Variants in TBL1XR1 observed in about 807,000 individuals in gnomAD.
TBL1XR1 encodes TBL1X/Y related 1, also known as F-box-like/WD repeat-containing protein TBL1XR1.
TBL1XR1 carries 5 observed loss-of-function variants against 66.9 expected under a neutral mutation model. The ratio of observed to expected loss-of-function variants is 0.07; its 90% CI spans 0.04 to 0.16. TBL1XR1 has a LOEUF of 0.16. TBL1XR1 is among the 10% of genes least tolerant of loss of function. The pLI is 1.00. For synonymous variants in TBL1XR1, 210 were observed against 206.0 expected, an observed-to-expected ratio of 1.02 and a Z score of -0.17; for missense variants, 238 against 623.2, an observed-to-expected ratio of 0.38 and a Z score of 6.58.
intron 2 of TBL1XR1, among the ~76,000 whole-genome samples, chr3:177,082,766 A>G (rs1384496984): frequency 7.4e-6 from 1 of 135,632 alleles, no homozygotes; most frequent in African/African-American, 2.7e-5. Flanking sequence ...ATATATATAT[A>G]TGAATATGAG....
At chr3:177,179,584 TA>T (rs1734565596) in intron 1 of TBL1XR1, among the ~76,000 whole-genome samples, 1 of 152,170 alleles carries the variant, frequency 6.6e-6, no homozygotes, top group South Asian at 2.1e-4. Flanking sequence ...GGAGTGAAGC[TA>T]AAGGTTGCAG....
At chr3:177,026,044 G>T in intron 15 of TBL1XR1, 1 of 313,082 alleles carries the variant, frequency 3.2e-6, no homozygotes, top group Non-Finnish European at 5.8e-6. Context: ...AAATTCTTCT[G>T]TGAAGAGGAG....
At chr3:177,132,828 G>A (rs759488216) in intron 1 of TBL1XR1, among the ~76,000 whole-genome samples, 1 of 152,170 alleles carries the variant, frequency 6.6e-6, no homozygotes, top group Non-Finnish European at 1.5e-5. Context: ...GGCAGGGGCA[G>A]ATCACAGAGA....
intron 1 of TBL1XR1, among the ~76,000 whole-genome samples, chr3:177,134,975 G>GTGTGTGTGTGTGTC (rs1444156762): frequency 2.7e-5 from 4 of 150,302 alleles, no homozygotes; most frequent in Admixed American, 2.7e-4. Context: ...GTCTGTGTGT[G>GTGTGTGTGTGTGTC]TGTCTGTGTG....
chr3:177,149,269 T>C (rs1730610516), intron 1 of TBL1XR1, among the ~76,000 whole-genome samples: 1 of 152,130 alleles, frequency 6.6e-6, no homozygotes, highest in South Asian at 2.1e-4. Flanking sequence ...TCCCTGGCTT[T>C]CTCAAATCTA....
intron 1 of TBL1XR1, among the ~76,000 whole-genome samples, chr3:177,115,463 C>T (rs1726194844): frequency 6.6e-6 from 1 of 152,306 alleles, no homozygotes; most frequent in Admixed American, 6.5e-5. Flanking sequence ...GTGCTGCTTA[C>T]TGCTATTCAC....
At chr3:177,036,894 G>A (rs1034138678) in intron 12 of TBL1XR1, among the ~76,000 whole-genome samples, 1 of 152,232 alleles carries the variant, frequency 6.6e-6, no homozygotes, top group African/African-American at 2.4e-5. Flanking sequence ...GTTTTCAGTA[G>A]AGGGTTAGCT....
At chr3:177,097,066 G>GA (rs1229222979) in intron 2 of TBL1XR1, among the ~76,000 whole-genome samples, 1 of 151,932 alleles carries the variant, frequency 6.6e-6, no homozygotes, top group Non-Finnish European at 1.5e-5. Context: ...TCAACATACT[G>GA]AAAAAAATCC....
intron 1 of TBL1XR1, among the ~76,000 whole-genome samples, chr3:177,176,124 A>G (rs1734119350): frequency 6.6e-6 from 1 of 152,104 alleles, no homozygotes; most frequent in African/African-American, 2.4e-5. Flanking sequence ...TATCTGGGGG[A>G]AAATTTAAAA....
At chr3:177,076,148 G>A (rs1720676940) in intron 2 of TBL1XR1, among the ~76,000 whole-genome samples, 2 of 152,280 alleles carry the variant, frequency 1.3e-5, no homozygotes, top group South Asian at 4.1e-4. Context: ...GAGCCTGGGG[G>A]TTCCCTTCAA....
rs1712901919 is a variant in TBL1XR1, at chr3:177,024,994, T to G, written c.*504A>C. ...GAAACTGATTCACTCCCTTACTTCA[T>G]GCATCCATAATCTAAACCAAAAACG... On this transcript the variant is annotated 3_prime_UTR_variant, in exon 16 of 16. Coordinates refer to ENST00000457928, the MANE Select transcript of TBL1XR1 (RefSeq NM_024665.7). 6.5e-6 allele frequency: 1 copy of G among 153,876 alleles called. No individual in the cohort carries two copies. The highest frequency in any genetic ancestry group is 1.5e-5 in the Non-Finnish European group (1 of 68,936). 9.5% of individuals were successfully genotyped at this position (153,876 alleles called of 1,614,324 possible). A position where few individuals can be genotyped will look rare whatever the true frequency, so the allele number is the denominator to read the frequency against.
At position 177,152,247 on chromosome 3, in the gene TBL1XR1, A is replaced by G. The variant is rs149332898; in HGVS notation, c.-122+44874T>C. Reference sequence around the variant, plus strand: ...TAAGTTGCTACATTCACTTTAGATTATGCTTTTTACTTTTCACTCCCAGAT... The same window carrying G: ...TAAGTTGCTACATTCACTTTAGATTGTGCTTTTTACTTTTCACTCCCAGAT... On this transcript the variant is annotated intron_variant, in intron 1 of 15. Coordinates refer to ENST00000457928, the MANE Select transcript of TBL1XR1 (RefSeq NM_024665.7). Among the ~76,000 whole-genome samples the G allele has an allele frequency of 6.9e-3, 1,052 of 152,164 alleles. 5 individuals carry two copies. Among genetic ancestry groups the G allele is most frequent in the Admixed American group, 0.013 (193 of 15,278 alleles).
At chr3:177,112,107 A>ATTTTTTTTTTTT (rs71170852) in intron 1 of TBL1XR1, among the ~76,000 whole-genome samples, 8 of 37,652 alleles carry the variant, frequency 2.1e-4, no homozygotes, top group Admixed American at 4.0e-4. Context: ...ATATATATAT[A>ATTTTTTTTTTTT]TTTTTTTTTT....
chr3:177,114,256 T>C lies in TBL1XR1; in HGVS notation c.-121-15715A>G, dbSNP rs145080027. 1.1e-3 allele frequency among the ~76,000 whole-genome samples: 161 copies of C among 151,320 alleles called. 3 individuals carry two copies. The East Asian group carries it at 0.03, about 28-fold the overall frequency. On this transcript the variant is annotated intron_variant, in intron 1 of 15. Coordinates refer to ENST00000457928, the MANE Select transcript of TBL1XR1 (RefSeq NM_024665.7). ...ACATCATATATATATACATCTCATA[T>C]ATATAATCATATATATATACACACA...
intron 1 of TBL1XR1, among the ~76,000 whole-genome samples, chr3:177,153,962 A>G (rs552665924): frequency 6.6e-6 from 1 of 151,938 alleles, no homozygotes; most frequent in Admixed American, 6.6e-5. Flanking sequence ...AATAGTAGAA[A>G]TAATATAGAG....
intron 2 of TBL1XR1, among the ~76,000 whole-genome samples, chr3:177,082,994 G>A (rs1490496736): frequency 2.6e-5 from 4 of 151,264 alleles, no homozygotes; most frequent in East Asian, 3.9e-4. Flanking sequence ...TCCTGACCTC[G>A]TGATCCATCC....
chr3:177,060,054 G>A (rs1346728479), intron 3 of TBL1XR1, among the ~76,000 whole-genome samples: 1 of 152,154 alleles, frequency 6.6e-6, no homozygotes. Flanking sequence ...ATGGAAAGCT[G>A]CACTGTTGGC....
At chr3:177,116,311 C>T (rs1726305814) in intron 1 of TBL1XR1, among the ~76,000 whole-genome samples, 1 of 152,184 alleles carries the variant, frequency 6.6e-6, no homozygotes, top group South Asian at 2.1e-4. Flanking sequence ...GATGGCGCCA[C>T]TTTCACCCAA....
intron 1 of TBL1XR1, among the ~76,000 whole-genome samples, chr3:177,134,486 A>G (rs1230795027): frequency 6.6e-6 from 1 of 152,204 alleles, no homozygotes; most frequent in African/African-American, 2.4e-5. Context: ...GTTACATTCT[A>G]TAACACATGC....
Sources: gnomAD v4.1 joint callset for allele counts (sites outside exome capture counted in the v4.1 genomes callset) on GRCh38, gnomAD v4.1.1 for gene constraint, MANE v1.5 for transcripts, NCBI Gene and HGNC (gene_info 2026-07-23, HGNC 2026-07-21) for gene names.